The following IGSF10 variants were observed in gnomAD, a reference collection of about 807,000 sequenced individuals.
The protein encoded by IGSF10 is immunoglobulin superfamily member 10, also known as calvaria mechanical force protein 608.
In IGSF10, 126 loss-of-function variants were observed where a neutral mutation model predicts 128.2. That is an observed-to-expected ratio of 0.98 (90% confidence interval 0.85 to 1.14). IGSF10 has a LOEUF of 1.14. Among genes scored for constraint, IGSF10 ranks in the 50% most tolerant of loss-of-function variants. The pLI is 0.00. For synonymous variants in IGSF10, 1,185 were observed against 1,146.2 expected (o/e 1.03, Z -0.68); for missense variants, 3,295 against 3,149.8 (o/e 1.05, Z -1.10).
the IGSF10 span, among the ~76,000 whole-genome samples, chr3:151,489,391 C>T: frequency 2.0e-5 from 3 of 152,132 alleles, no homozygotes; most frequent in Non-Finnish European, 2.9e-5. Context: ...TAAATTAGTT[C>T]AACCATTGGG....
the IGSF10 span, among the ~76,000 whole-genome samples, chr3:151,557,358 G>A: frequency 8.5e-5 from 13 of 152,230 alleles, no homozygotes; most frequent in Admixed American, 7.9e-4. Flanking sequence ...CCTCTGGTGT[G>A]GTGCCAACTC....
chr3:151,495,420 G>A, the IGSF10 span, among the ~76,000 whole-genome samples: 21 of 152,184 alleles, frequency 1.4e-4, no homozygotes, highest in Non-Finnish European at 2.2e-4. Context: ...GATCTACCAC[G>A]AATGTCAATG....
chr3:151,523,528 T>C, the IGSF10 span, among the ~76,000 whole-genome samples: 2 of 152,118 alleles, frequency 1.3e-5, no homozygotes, highest in Non-Finnish European at 2.9e-5. Flanking sequence ...TCTATGACCA[T>C]TTGATCTTCG....
In IGSF10 at chr3:151,446,416, G is replaced by A; in HGVS notation, c.3565C>T (p.Pro1189Ser). 1 of 1,613,948 alleles carries A rather than the reference G, an allele frequency of 6.2e-7. No individual in the cohort carries two copies. Among genetic ancestry groups the A allele is most frequent in the Non-Finnish European group, 8.5e-7 (1 of 1,179,842 alleles). The change falls in exon 6 of 8, where the codon CCA becomes TCA. Residue 1189 changes from proline to serine, a missense_variant. Coordinates refer to ENST00000282466, the MANE Select transcript of IGSF10 (RefSeq NM_178822.5). ...SSLSGAITKP[P>S]MTIIAITRFS... ...CTTGTAATGGCTATAATAGTCATTG[G>A]TGGCTTGGTGATAGCACCTGAAAGT...
chr3:151,519,539 C>G, the IGSF10 span, among the ~76,000 whole-genome samples: 1 of 151,572 alleles, frequency 6.6e-6, no homozygotes, highest in South Asian at 2.1e-4. Context: ...TTCAACTTAC[C>G]CTAAATTTAA....
Position 151,437,433 on chromosome 3 carries a change from G to A in IGSF10, c.7128C>T (p.Gly2376=), listed in dbSNP as rs571109060. The A allele has an allele frequency of 6.2e-7, 1 of 1,614,216 alleles. No homozygotes were observed. Among genetic ancestry groups the A allele is most frequent in the Non-Finnish European group, 8.5e-7 (1 of 1,180,038 alleles). ...PPEIIWILPN[G]TRFSNGPQSY... ...TTTGTGGTCCATTGGAAAATCGTGTGCCATTTGGTAAAATCCAGATTATTT... is the reference window on the plus strand; with the variant it reads ...TTTGTGGTCCATTGGAAAATCGTGTACCATTTGGTAAAATCCAGATTATTT... The change falls in exon 8 of 8, where the codon GGC becomes GGT. Residue 2376 remains glycine, a synonymous_variant. Transcript: ENST00000282466.
the IGSF10 span, among the ~76,000 whole-genome samples, chr3:151,580,118 G>T: frequency 1.3e-4 from 20 of 152,072 alleles, no homozygotes; most frequent in Non-Finnish European, 2.5e-4. Context: ...TGAGGTGGGA[G>T]GATTGCTTAA....
the IGSF10 span, among the ~76,000 whole-genome samples, chr3:151,578,997 A>G: frequency 6.6e-6 from 1 of 152,226 alleles, no homozygotes; most frequent in Non-Finnish European, 1.5e-5. Context: ...CAGTCTATCA[A>G]TGGGAAAGAG....
chr3:151,613,269 A>T, the IGSF10 span, among the ~76,000 whole-genome samples: 1 of 151,910 alleles, frequency 6.6e-6, no homozygotes, highest in Non-Finnish European at 1.5e-5. Context: ...TATAGATTCA[A>T]TGCCATCCCC....
At chr3:151,537,731 A>G in the IGSF10 span, among the ~76,000 whole-genome samples, 1 of 152,158 alleles carries the variant, frequency 6.6e-6, no homozygotes, top group African/African-American at 2.4e-5. Context: ...AAAAAAAATA[A>G]TAATCTCTTC....
intron 4 of IGSF10, among the ~76,000 whole-genome samples, chr3:151,455,367 C>G (rs1721740663): frequency 6.8e-6 from 1 of 146,938 alleles, no homozygotes; most frequent in Non-Finnish European, 1.5e-5. Flanking sequence ...CCCCCCTTGG[C>G]CTCCCAAAGT....
chr3:151,456,629 ATAAG>A (rs1333386419), intron 4 of IGSF10, among the ~76,000 whole-genome samples: 1 of 152,242 alleles, frequency 6.6e-6, no homozygotes, highest in Non-Finnish European at 1.5e-5. Flanking sequence ...TAGAACATGA[ATAAG>A]TAAATAAAAT....
chr3:151,449,764 C>T (rs1229176014), intron 5 of IGSF10, among the ~76,000 whole-genome samples: 1 of 152,098 alleles, frequency 6.6e-6, no homozygotes, highest in Non-Finnish European at 1.5e-5. Context: ...TTTCCATTAT[C>T]CAAAAGAATA....
the IGSF10 span, among the ~76,000 whole-genome samples, chr3:151,525,985 G>A: frequency 9.9e-5 from 15 of 152,232 alleles, no homozygotes; most frequent in East Asian, 1.7e-3. Context: ...ACCGGGGAGC[G>A]GGAATCTCAA....
the IGSF10 span, among the ~76,000 whole-genome samples, chr3:151,487,257 T>C: frequency 1.3e-5 from 2 of 152,242 alleles, no homozygotes; most frequent in African/African-American, 2.4e-5. Flanking sequence ...CCTGGACACA[T>C]ACACCCTCCC....
At chr3:151,531,698 A>G in the IGSF10 span, among the ~76,000 whole-genome samples, 1 of 152,168 alleles carries the variant, frequency 6.6e-6, no homozygotes, top group Non-Finnish European at 1.5e-5. Context: ...GTAGAGAGAA[A>G]TTTATGGCAC....
the IGSF10 span, among the ~76,000 whole-genome samples, chr3:151,599,878 G>T: frequency 1.3e-5 from 2 of 152,166 alleles, no homozygotes; most frequent in African/African-American, 4.8e-5. Flanking sequence ...AATGAAAGAT[G>T]ATTAGGACAG....
chr3:151,522,957 G>A, the IGSF10 span, among the ~76,000 whole-genome samples: 30 of 151,922 alleles, frequency 2.0e-4, no homozygotes, highest in Non-Finnish European at 2.8e-4. Context: ...CCAAAATCTC[G>A]TTCAGCTGAT....
At chr3:151,478,390 A>G in the IGSF10 span, among the ~76,000 whole-genome samples, 409 of 152,346 alleles carry the variant, frequency 2.7e-3, 4 homozygotes, top group African/African-American at 9.5e-3. Context: ...AAAATCCAGG[A>G]CTAAATATCT....
Sources: gnomAD v4.1 joint callset for allele counts (sites outside exome capture counted in the v4.1 genomes callset) on GRCh38, gnomAD v4.1.1 for gene constraint, MANE v1.5 for transcripts, NCBI Gene and HGNC (gene_info 2026-07-23, HGNC 2026-07-21) for gene names.